Variants in IL12RB2 observed in about 807,000 individuals in gnomAD.
The protein encoded by IL12RB2 is interleukin 12 receptor subunit beta 2.
IL12RB2 carries 82 observed loss-of-function variants against 89.4 expected under a neutral mutation model. The observed-to-expected ratio is 0.92, with a 90% CI of 0.77 to 1.10. The LOEUF (loss-of-function observed/expected upper bound fraction) is 1.10. Among genes scored for constraint, IL12RB2 ranks in the 50% least tolerant of loss-of-function variants. IL12RB2 has a pLI of 0.00. For missense variants in IL12RB2, 963 were observed against 1,031.9 expected, an observed-to-expected ratio of 0.93 and a Z score of 0.92; for synonymous variants, 368 against 370.1, an observed-to-expected ratio of 0.99 and a Z score of 0.07.
At chr1:67,340,820 A>T (rs1041483985) in intron 9 of IL12RB2, among the ~76,000 whole-genome samples, 1 of 152,096 alleles carries the variant, frequency 6.6e-6, no homozygotes, top group East Asian at 1.9e-4. Context: ...TGCTGCCCTG[A>T]TTTTATTTCT....
At chr1:67,343,945 T>G (rs1305226102) in intron 9 of IL12RB2, among the ~76,000 whole-genome samples, 2 of 152,198 alleles carry the variant, frequency 1.3e-5, no homozygotes. Flanking sequence ...CTGTACTGCA[T>G]AGCTGGGATA....
intron 13 of IL12RB2, among the ~76,000 whole-genome samples, chr1:67,378,744 G>C (rs995363855): frequency 6.6e-6 from 1 of 151,342 alleles, no homozygotes; most frequent in African/African-American, 2.4e-5. Flanking sequence ...CAGTTACTCA[G>C]GAGGCTGAGG....
At chr1:67,395,270 G>GAAAA (rs577998192) in intron 16 of IL12RB2, among the ~76,000 whole-genome samples, 2 of 126,968 alleles carry the variant, frequency 1.6e-5, no homozygotes, top group South Asian at 2.5e-4. Flanking sequence ...TTCGTCTCAA[G>GAAAA]AAAAAAAAAA....
At chr1:67,375,654 C>T (rs1430592002) in intron 13 of IL12RB2, among the ~76,000 whole-genome samples, 1 of 151,926 alleles carries the variant, frequency 6.6e-6, no homozygotes, top group Non-Finnish European at 1.5e-5. Flanking sequence ...ATGTGGAGCA[C>T]AGTAAGGGCA....
intron 15 of IL12RB2, among the ~76,000 whole-genome samples, chr1:67,388,428 C>T (rs927058194): frequency 3.7e-4 from 57 of 152,280 alleles, no homozygotes; most frequent in African/African-American, 1.3e-3. Context: ...TCACTGCAGC[C>T]TCTGCTTCCT....
chr1:67,394,710 T>C (rs1290217331), intron 16 of IL12RB2, among the ~76,000 whole-genome samples: 1 of 152,174 alleles, frequency 6.6e-6, no homozygotes, highest in Non-Finnish European at 1.5e-5. Context: ...CCGCCTCCTA[T>C]TTCTGAAGCC....
chr1:67,389,675 G>A (rs1665599918), intron 15 of IL12RB2, among the ~76,000 whole-genome samples: 1 of 152,114 alleles, frequency 6.6e-6, no homozygotes, highest in Non-Finnish European at 1.5e-5. Flanking sequence ...TAGCTAAATA[G>A]TAAGGGTAGG....
rs17838054 is a variant in IL12RB2, at chr1:67,351,598, G to A, written c.1258+509G>A. Among the ~76,000 whole-genome samples the A allele has an allele frequency of 2.5e-3, 385 of 152,202 alleles. 2 individuals are homozygous for A. The highest frequency in any genetic ancestry group is 8.0e-3 in the African/African-American group (333 of 41,518). ...GATTGCTTAAGCCCAGGAGTTCCACGCCAGTCTGGGCCTCACAGTGAGACC... is the reference window on the plus strand; with the variant it reads ...GATTGCTTAAGCCCAGGAGTTCCACACCAGTCTGGGCCTCACAGTGAGACC... On this transcript the variant is annotated intron_variant, in intron 10 of 16. Transcript: ENST00000674203.
At position 67,396,493 on chromosome 1, in the gene IL12RB2, C is replaced by T. The variant is rs1317097624; in HGVS notation, c.*404C>T. 2.1e-5 allele frequency: 7 copies of T among 340,784 alleles called. No homozygotes were observed. The highest frequency in any genetic ancestry group is 3.4e-5 in the Non-Finnish European group (6 of 175,092). 21.1% of individuals were successfully genotyped at this position (340,784 alleles called of 1,614,324 possible). On this transcript the variant is annotated 3_prime_UTR_variant, in exon 17 of 17. Coordinates refer to ENST00000674203, the MANE Select transcript of IL12RB2 (RefSeq NM_001374259.2). Reference sequence around the variant, plus strand: ...CACCTGCTACACAGCAGGCTGTACACAGCAGATCAGTACTGTTCAACAGAA... The same window carrying T: ...CACCTGCTACACAGCAGGCTGTACATAGCAGATCAGTACTGTTCAACAGAA...
At chr1:67,363,137 G>A (rs562512193) in intron 10 of IL12RB2, among the ~76,000 whole-genome samples, 104 of 151,744 alleles carry the variant, frequency 6.9e-4, no homozygotes, top group Admixed American at 3.0e-3. Context: ...TCCTGATCTC[G>A]TGATCTGCCT....
intron 9 of IL12RB2, among the ~76,000 whole-genome samples, chr1:67,339,210 G>A (rs879011446): frequency 2.6e-5 from 4 of 152,198 alleles, no homozygotes; most frequent in Non-Finnish European, 2.9e-5. Flanking sequence ...AAACAGGCCA[G>A]GTGCAGTGGC....
At chr1:67,352,264 C>T (rs188012670) in intron 10 of IL12RB2, among the ~76,000 whole-genome samples, 1 of 152,212 alleles carries the variant, frequency 6.6e-6, no homozygotes, top group Admixed American at 6.5e-5. Context: ...TACCAAAAGC[C>T]TGACTATAGG....
At position 67,372,768 on chromosome 1, in the gene IL12RB2, C is replaced by T; in HGVS notation, c.1702C>T (p.Gln568Ter). Residue 568 changes from glutamine to a stop codon, truncating the protein, a stop_gained, in exon 13 of 17, where the codon CAG becomes TAG. Transcript: ENST00000674203. LOFTEE classifies it high-confidence loss of function. ...IYWKERDSNS[Q>*]PQLCEIPYRV... is the part of the protein sequence containing the mutation. ...CTGGAAGGAACGGGACTCCAACTCC[C>T]AGCCTCAGCTCTGTGGTATGTGTGA... 1 of 1,608,322 alleles carries T rather than the reference C, an allele frequency of 6.2e-7. No individual in the cohort carries two copies. The highest frequency in any genetic ancestry group is 8.5e-7 in the Non-Finnish European group (1 of 1,174,754).
Position 67,326,739 on chromosome 1 carries a change from T to C in IL12RB2, c.369T>C (p.Ala123=). 1 of 1,612,870 alleles carries C rather than the reference T, an allele frequency of 6.2e-7. No homozygotes were observed. The highest frequency in any genetic ancestry group is 8.5e-7 in the Non-Finnish European group (1 of 1,179,256). The part of the protein sequence containing the change: ...ICGAEIFVGV[A]PEQPQNLSCI... Reference sequence around the variant, plus strand: ...TTTTGTCTTTTCTTTTTAAAGTTGCTCCAGAACAGCCTCAAAATTTATCCT... The same window carrying C: ...TTTTGTCTTTTCTTTTTAAAGTTGCCCCAGAACAGCCTCAAAATTTATCCT... Residue 123 remains alanine (A), a synonymous_variant, in exon 5 of 17, where the codon GCT becomes GCC. Transcript: ENST00000674203.
chr1:67,390,052 T>A lies in IL12RB2; in HGVS notation c.1970T>A (p.Leu657His). 1 of 1,340,180 alleles carries A rather than the reference T, an allele frequency of 7.5e-7. No homozygotes were observed. The highest frequency in any genetic ancestry group is 1.1e-6 in the Non-Finnish European group (1 of 929,700). 83.0% of individuals were successfully genotyped at this position (1,340,180 alleles called of 1,614,324 possible). A position where few individuals can be genotyped will look rare whatever the true frequency, so the allele number is the denominator to read the frequency against. ...AGGGTGTTTGTTCTCCTAGCAGCCC[T>A]CAGACCTCAGTGGTGTAGCAGAGAA... ...QQKVFVLLAA[L>H]RPQWCSREIP... The change falls in exon 16 of 17, where the codon CTC becomes CAC. Residue 657 changes from leucine to histidine, a missense_variant. By Grantham distance (99) the Leu-to-His change is moderately conservative. Coordinates refer to ENST00000674203, the MANE Select transcript of IL12RB2 (RefSeq NM_001374259.2).
At chr1:67,355,091 G>A (rs940401106) in intron 10 of IL12RB2, among the ~76,000 whole-genome samples, 1 of 151,616 alleles carries the variant, frequency 6.6e-6, no homozygotes. Flanking sequence ...ACTTCACCCT[G>A]GGCAACAGAA....
rs1336357602 is a variant in IL12RB2, at chr1:67,395,619, A to G, written c.2119A>G (p.Ile707Val). Residue 707 changes from isoleucine to valine, a missense_variant, in exon 17 of 17, where the codon ATC becomes GTC. Transcript: ENST00000674203. The stretch of plus-strand genomic sequence containing the variant: ...GCCTGAAGATCCTGAACCGCTGGTC[A>G]TCAGTGAAGTCCTTCATCAAGTGAC... Reference protein sequence around the residue: ...PTPEDPEPLVISEVLHQVTPV... With the variant: ...PTPEDPEPLVVSEVLHQVTPV... 4.3e-6 allele frequency: 7 copies of G among 1,614,242 alleles called. No individual in the cohort carries two copies. Among genetic ancestry groups the G allele is most frequent in the Middle Eastern group, 1.6e-4 (1 of 6,062 alleles).
At chr1:67,386,273 G>C (rs1489185156) in intron 14 of IL12RB2, among the ~76,000 whole-genome samples, 3 of 148,974 alleles carry the variant, frequency 2.0e-5, no homozygotes, top group Non-Finnish European at 4.4e-5. Flanking sequence ...ACATCTGCTA[G>C]CGGCACAGCC....
At chr1:67,321,035 C>A (rs563109952) in intron 3 of IL12RB2, among the ~76,000 whole-genome samples, 1 of 149,144 alleles carries the variant, frequency 6.7e-6, no homozygotes, top group South Asian at 2.1e-4. Context: ...GCACGTTTTT[C>A]TTCCTGCCTC....
Sources: allele counts gnomAD v4.1 joint callset (sites outside exome capture counted in the v4.1 genomes callset), GRCh38; gene constraint gnomAD v4.1.1; transcripts MANE v1.5; gene names NCBI Gene and HGNC (gene_info 2026-07-23, HGNC 2026-07-21).